Variants in RYR2 observed in about 807,000 individuals in gnomAD.
RYR2 encodes the protein cardiac muscle ryanodine receptor-calcium release channel.
In RYR2, 227 loss-of-function variants were observed where a neutral mutation model predicts 601.1. The ratio of observed to expected loss-of-function variants is 0.38; its 90% CI spans 0.34 to 0.42. The LOEUF (loss-of-function observed/expected upper bound fraction) is 0.42, where lower values mean the gene tolerates loss of function less well. RYR2 is among the 10% of genes least tolerant of loss of function. The pLI is 1.00. For missense variants in RYR2, 4,646 were observed against 6,156.5 expected (o/e 0.75, Z 8.21); for synonymous variants, 2,223 against 2,175.1 (o/e 1.02, Z -0.61).
At chr1:237,692,141 T>G (rs763276087) in intron 63 of RYR2, among the ~76,000 whole-genome samples, 4 of 152,214 alleles carry the variant, frequency 2.6e-5, no homozygotes, top group Non-Finnish European at 4.4e-5. Flanking sequence ...CCTTAAAGGC[T>G]TTCTTTTTAC....
intron 1 of RYR2, among the ~76,000 whole-genome samples, chr1:237,099,843 A>ATTT (rs34625802): frequency 5.9e-5 from 9 of 151,902 alleles, no homozygotes; most frequent in Admixed American, 5.9e-4. Flanking sequence ...GGTAGGCACT[A>ATTT]TTTTTTTTCA....
chr1:237,213,566 T>G (rs1682822118), intron 1 of RYR2, among the ~76,000 whole-genome samples: 1 of 152,300 alleles, frequency 6.6e-6, no homozygotes, highest in Middle Eastern at 3.4e-3. Flanking sequence ...CTTAATACAT[T>G]ATTTGCCTGC....
At chr1:237,773,764 G>T in intron 87 of RYR2, 116 bp downstream of exon 87, 1 of 753,546 alleles carries the variant, frequency 1.3e-6, no homozygotes, top group Non-Finnish European at 2.1e-6. Flanking sequence ...TTTGCAAATT[G>T]CTACAATTAA....
At chr1:237,445,355 G>A in intron 13 of RYR2, 46 bp from the exon 14 acceptor site, 1 of 1,608,678 alleles carries the variant, frequency 6.2e-7, no homozygotes, top group Non-Finnish European at 8.5e-7. Flanking sequence ...CTCTAGTTTG[G>A]AAAAGAGACG....
chr1:237,830,832 A>G (rs1261177094), intron 103 of RYR2, among the ~76,000 whole-genome samples: 2 of 152,156 alleles, frequency 1.3e-5, no homozygotes, highest in African/African-American at 4.8e-5. Context: ...TCTTCATGTA[A>G]GTGATGCTTT....
At chr1:237,155,831 C>G (rs528323856) in intron 1 of RYR2, among the ~76,000 whole-genome samples, 1 of 152,308 alleles carries the variant, frequency 6.6e-6, no homozygotes, top group East Asian at 1.9e-4. Flanking sequence ...ATCACCATGG[C>G]ATTGAGGAAG....
At position 237,792,092 on chromosome 1, in the gene RYR2, T is replaced by C; in HGVS notation, c.13564-13T>C. 6.4e-7 allele frequency: 1 copy of C among 1,568,594 alleles called. No individual in the cohort carries two copies. Among genetic ancestry groups the C allele is most frequent in the Non-Finnish European group, 8.7e-7 (1 of 1,153,700 alleles). ...TGCAGCAAACTGACTCTACTTTAAATGCTTTGAATCAGGTCTCCACTTCTT... is the reference window on the plus strand; with the variant it reads ...TGCAGCAAACTGACTCTACTTTAAACGCTTTGAATCAGGTCTCCACTTCTT... On this transcript the variant is annotated splice_polypyrimidine_tract_variant and intron_variant, in intron 93 of 104. Transcript: ENST00000366574.
chr1:237,309,438 C>G (rs533805860), intron 2 of RYR2, among the ~76,000 whole-genome samples: 1 of 152,154 alleles, frequency 6.6e-6, no homozygotes, highest in Non-Finnish European at 1.5e-5. Context: ...TAGCTAGATA[C>G]GGAGCACTGA....
intron 1 of RYR2, among the ~76,000 whole-genome samples, chr1:237,171,530 A>G (rs1338156096): frequency 6.6e-6 from 1 of 152,148 alleles, no homozygotes; most frequent in Non-Finnish European, 1.5e-5. Context: ...TCATTTCCTT[A>G]CTATGTGTTA....
chr1:237,632,303 G>A (rs1680416067), intron 42 of RYR2, among the ~76,000 whole-genome samples: 1 of 151,928 alleles, frequency 6.6e-6, no homozygotes, highest in African/African-American at 2.4e-5. Context: ...CACAGACATT[G>A]GTTGGTTTCA....
intron 12 of RYR2, among the ~76,000 whole-genome samples, chr1:237,427,274 A>G (rs1050225862): frequency 3.3e-5 from 5 of 152,258 alleles, no homozygotes; most frequent in Non-Finnish European, 5.9e-5. Context: ...CTCTAAAAAA[A>G]GGTATGAAAA....
intron 6 of RYR2, among the ~76,000 whole-genome samples, chr1:237,372,054 A>G (rs1038029677): frequency 2.0e-5 from 3 of 152,208 alleles, no homozygotes; most frequent in African/African-American, 7.2e-5. Context: ...AAAGTATAAT[A>G]AAAAATAAAA....
intron 8 of RYR2, among the ~76,000 whole-genome samples, chr1:237,383,252 A>C (rs971937203): frequency 2.0e-5 from 3 of 151,944 alleles, no homozygotes; most frequent in Admixed American, 1.3e-4. Flanking sequence ...ACTCCAGCTA[A>C]AGAACTCCTG....
intron 44 of RYR2, among the ~76,000 whole-genome samples, chr1:237,635,492 T>G (rs1680781695): frequency 6.6e-6 from 1 of 152,190 alleles, no homozygotes; most frequent in Non-Finnish European, 1.5e-5. Context: ...ATCAGCGATA[T>G]AGTAAAGCCG....
chr1:237,085,905 C>T (rs546195239), intron 1 of RYR2, among the ~76,000 whole-genome samples: 52 of 152,298 alleles, frequency 3.4e-4, no homozygotes, highest in African/African-American at 9.9e-4. Context: ...AGGCGTGTGC[C>T]GCTACGCCTG....
intron 31 of RYR2, among the ~76,000 whole-genome samples, chr1:237,591,370 G>A (rs1675183423): frequency 6.6e-6 from 1 of 152,070 alleles, no homozygotes; most frequent in Non-Finnish European, 1.5e-5. Flanking sequence ...GAAACTTGCA[G>A]AGCATTTTCT....
intron 8 of RYR2, among the ~76,000 whole-genome samples, chr1:237,379,121 C>T (rs1306612507): frequency 6.6e-6 from 1 of 152,118 alleles, no homozygotes; most frequent in Admixed American, 6.5e-5. Context: ...GTAGTTGTAC[C>T]TGGAAACCAA....
At chr1:237,727,497 A>G (rs1234939252) in intron 76 of RYR2, among the ~76,000 whole-genome samples, 3 of 152,102 alleles carry the variant, frequency 2.0e-5, no homozygotes, top group Non-Finnish European at 4.4e-5. Context: ...GATCTGAATC[A>G]TTCTTTGGCA....
At chr1:237,574,676 C>A (rs955361920) in intron 29 of RYR2, among the ~76,000 whole-genome samples, 5 of 152,092 alleles carry the variant, frequency 3.3e-5, no homozygotes, top group African/African-American at 1.2e-4. Context: ...ATGATGGTAA[C>A]CTGCAGGCTG....
Sources: gnomAD v4.1 joint callset for allele counts (sites outside exome capture counted in the v4.1 genomes callset) on GRCh38, gnomAD v4.1.1 for gene constraint, MANE v1.5 for transcripts, NCBI Gene and HGNC (gene_info 2026-07-23, HGNC 2026-07-21) for gene names.